Variants in ZC3HAV1L observed in about 807,000 individuals in gnomAD.
ZC3HAV1L encodes the protein zinc finger CCCH-type antiviral protein 1-like.
A neutral mutation model predicts 28.2 loss-of-function variants in ZC3HAV1L; 23 were observed. The ratio of observed to expected loss-of-function variants is 0.82; its 90% CI spans 0.59 to 1.16. The LOEUF (loss-of-function observed/expected upper bound fraction) is 1.16, where lower values mean the gene tolerates loss of function less well. Ranked by LOEUF, ZC3HAV1L falls within the 50% of genes most tolerant of loss-of-function variation. The pLI is 0.00. For synonymous variants in ZC3HAV1L, 180 were observed against 163.4 expected (o/e 1.10, Z -0.78); for missense variants, 376 against 387.7 (o/e 0.97, Z 0.25).
downstream of ZC3HAV1L, among the ~76,000 whole-genome samples, chr7:139,023,963 A>AG (rs1815297537): frequency 1.3e-5 from 2 of 152,224 alleles, no homozygotes; most frequent in Admixed American, 1.3e-4. Context: ...GAGAAAAAAA[A>AG]GTATAGGACA....
At chr7:139,035,124 TG>T (rs1815662358) in intron 1 of ZC3HAV1L, 6 of 985,344 alleles carry the variant, frequency 6.1e-6, no homozygotes, top group Non-Finnish European at 7.2e-6. Context: ...ACCCCAGCTC[TG>T]GCAGTCAGGA....
At chr7:139,029,384 A>T (rs760465958) in intron 2 of ZC3HAV1L, among the ~76,000 whole-genome samples, 1 of 152,170 alleles carries the variant, frequency 6.6e-6, no homozygotes, top group Admixed American at 6.5e-5. Flanking sequence ...ACATCTTCTG[A>T]TCACCAGTGG....
At chr7:139,024,111 C>T (rs571007787), downstream of ZC3HAV1L, among the ~76,000 whole-genome samples, 2 of 152,212 alleles carry the variant, frequency 1.3e-5, no homozygotes, top group Admixed American at 6.5e-5. Context: ...TACAGACATG[C>T]GACTTGACAT....
In ZC3HAV1L at chr7:139,035,965, C is replaced by T. The variant is rs1394455693; in HGVS notation, c.53G>A (p.Gly18Asp). 12 of 1,522,164 alleles carry T rather than the reference C, an allele frequency of 7.9e-6. No homozygotes were observed. Among genetic ancestry groups the T allele is most frequent in the Admixed American group, 2.0e-5 (1 of 50,412 alleles). 94.3% of individuals were successfully genotyped at this position (1,522,164 alleles called of 1,614,324 possible). A position where few individuals can be genotyped will look rare whatever the true frequency, so the allele number is the denominator to read the frequency against. The change falls in exon 1 of 5, where the codon GGC becomes GAC. Residue 18 changes from glycine (G) to aspartate (D), a missense_variant. Gly to Asp is a moderately conservative substitution (Grantham distance 94). Transcript: ENST00000275766. Reference protein sequence around the residue: ...SFLTKVLCAHGGRMFLKDLRG... With the variant: ...SFLTKVLCAHDGRMFLKDLRG... ...CAGGTCCTTCAGGAACATGCGGCCG[C>T]CGTGGGCGCACAGCACCTTGGTGAG... is the stretch of plus-strand genomic sequence containing the variant.
downstream of ZC3HAV1L, among the ~76,000 whole-genome samples, chr7:139,023,532 G>A (rs1333774532): frequency 2.0e-5 from 3 of 152,112 alleles, no homozygotes; most frequent in African/African-American, 7.2e-5. Flanking sequence ...CCCTGCAGGC[G>A]TTTTGAGTTT....
At chr7:139,022,170 G>A (rs1034460317), downstream of ZC3HAV1L, among the ~76,000 whole-genome samples, 5 of 152,074 alleles carry the variant, frequency 3.3e-5, no homozygotes, top group African/African-American at 1.2e-4. Flanking sequence ...TTTAGATGTA[G>A]ACAAGTCAAA....
At chr7:139,022,431 G>A (rs10249949), downstream of ZC3HAV1L, 215,355 of 403,216 alleles carry the variant, frequency 0.53, 61,447 homozygotes, top group African/African-American at 0.82. Context: ...CTATAGTCCC[G>A]GCTACTAGGG....
At chr7:139,028,566 A>G in intron 3 of ZC3HAV1L, 136 bp downstream of exon 3, 1 of 1,213,446 alleles carries the variant, frequency 8.2e-7, no homozygotes, top group South Asian at 1.5e-5. Flanking sequence ...AAACTTTCCC[A>G]AGAACAAAGA....
Position 139,028,818 on chromosome 7 carries a change from T to C in ZC3HAV1L, c.644A>G (p.His215Arg), listed in dbSNP as rs761487508. ...QTCKRSHQLI[H>R]AASLKLLQDQ... The stretch of plus-strand genomic sequence containing the variant: ...CTGTAGCAGCTTCAAAGATGCAGCA[T>C]GGATAAGCTGATGGGACCGTTTGCA... The change falls in exon 3 of 5, where the codon CAT becomes CGT. Residue 215 changes from histidine to arginine, a missense_variant. Coordinates refer to ENST00000275766, the MANE Select transcript of ZC3HAV1L (RefSeq NM_080660.4). 22 of 1,614,072 alleles carry C rather than the reference T, an allele frequency of 1.4e-5. No individual in the cohort carries two copies. Among genetic ancestry groups the C allele is most frequent in the Admixed American group, 1.0e-4 (6 of 59,998 alleles).
At chr7:139,034,445 C>T (rs1563116159) in intron 2 of ZC3HAV1L, 98 bp downstream of exon 2, 14 of 1,460,722 alleles carry the variant, frequency 9.6e-6, no homozygotes, top group Admixed American at 8.3e-5. Context: ...CATGTTGCTT[C>T]GAAGGCAATT....
chr7:139,032,056 T>C (rs1815549357), intron 2 of ZC3HAV1L, among the ~76,000 whole-genome samples: 1 of 151,692 alleles, frequency 6.6e-6, no homozygotes, highest in African/African-American at 2.4e-5. Flanking sequence ...CAAAACCCTG[T>C]CTCTGCACTC....
At chr7:139,032,680 A>T (rs1199907054) in intron 2 of ZC3HAV1L, among the ~76,000 whole-genome samples, 1 of 150,828 alleles carries the variant, frequency 6.6e-6, no homozygotes, top group Non-Finnish European at 1.5e-5. Flanking sequence ...AATAAATAAA[A>T]AATAAAATAA....
chr7:139,025,332 C>T (rs1815325000), downstream of ZC3HAV1L, among the ~76,000 whole-genome samples: 1 of 151,944 alleles, frequency 6.6e-6, no homozygotes, highest in Admixed American at 6.5e-5. Flanking sequence ...CCTGTAACCT[C>T]AGCTACTTGG....
At chr7:139,035,402 G>T (rs920143702) in intron 1 of ZC3HAV1L, 1 of 984,922 alleles carries the variant, frequency 1.0e-6, no homozygotes, top group African/African-American at 1.7e-5. Context: ...CCGGGGGGGC[G>T]GGCGGGGGCA....
chr7:139,034,836 T>C, intron 1 of ZC3HAV1L, 158 bp from the exon 2 acceptor site: 2 of 985,164 alleles, frequency 2.0e-6, no homozygotes, highest in Non-Finnish European at 2.4e-6. Flanking sequence ...TGATGGAAAA[T>C]AAGAAAATTG....
chr7:139,027,215 C>G (rs1187862050), intron 3 of ZC3HAV1L, among the ~76,000 whole-genome samples: 4 of 152,182 alleles, frequency 2.6e-5, no homozygotes, highest in Non-Finnish European at 5.9e-5. Context: ...CATGAAAACT[C>G]GATGGTGAAA....
intron 2 of ZC3HAV1L, among the ~76,000 whole-genome samples, 159 bp from the exon 3 acceptor site, chr7:139,029,119 C>T (rs1815448648): frequency 6.6e-6 from 1 of 152,112 alleles, no homozygotes; most frequent in Non-Finnish European, 1.5e-5. Flanking sequence ...TCTCCTGCCT[C>T]AGCCTCCCGA....
intron 2 of ZC3HAV1L, among the ~76,000 whole-genome samples, chr7:139,029,201 C>T (rs971544300): frequency 1.3e-5 from 2 of 152,100 alleles, no homozygotes; most frequent in African/African-American, 4.8e-5. Flanking sequence ...CGGGGTTTCA[C>T]CATGTTGGCC....
intron 1 of ZC3HAV1L, 171 bp downstream of exon 1, chr7:139,035,482 C>T (rs944250065): frequency 1.0e-6 from 1 of 985,312 alleles, no homozygotes; most frequent in African/African-American, 1.7e-5. Flanking sequence ...CGCCCAGCTG[C>T]TGGAAGCGCG....
Sources: allele counts gnomAD v4.1 joint callset (sites outside exome capture counted in the v4.1 genomes callset), GRCh38; gene constraint gnomAD v4.1.1; transcripts MANE v1.5; gene names NCBI Gene and HGNC (gene_info 2026-07-23, HGNC 2026-07-21).